PPP1R16B: variants seen among roughly 807,000 people sequenced by gnomAD.
PPP1R16B encodes protein phosphatase 1 regulatory inhibitor subunit 16B.
PPP1R16B carries 14 observed loss-of-function variants against 61.7 expected under a neutral mutation model. The ratio of observed to expected loss-of-function variants is 0.23; its 90% CI spans 0.15 to 0.35. The LOEUF is 0.35. Ranked by LOEUF, PPP1R16B falls within the 10% of genes least tolerant of loss-of-function variation. The pLI is 1.00. For synonymous variants in PPP1R16B, 266 were observed against 305.3 expected, an observed-to-expected ratio of 0.87 and a Z score of 1.34; for missense variants, 547 against 752.5, an observed-to-expected ratio of 0.73 and a Z score of 3.19.
intron 2 of PPP1R16B, 103 bp from the exon 3 acceptor site, chr20:38,889,492 C>A: frequency 9.8e-7 from 1 of 1,022,944 alleles, no homozygotes; most frequent in Non-Finnish European, 1.5e-6. Flanking sequence ...GTTGTTACTA[C>A]ATTCTTCATA....
rs1486539731 is a variant in PPP1R16B at position 38,882,164 on chromosome 20, G to C, written c.251-7431G>C. 5.9e-5 allele frequency among the ~76,000 whole-genome samples: 9 copies of C among 152,190 alleles called. No individual in the cohort carries two copies. The East Asian group carries it at 1.7e-3, about 29-fold the overall frequency. ...GGCACACAGTTAGTGCTGGGCTGTA[G>C]AAAGAGCAAGGGCACAGGGCAGAGA... is the stretch of plus-strand genomic sequence containing the variant. On this transcript the variant is annotated intron_variant, in intron 2 of 10. Coordinates refer to ENST00000299824, the MANE Select transcript of PPP1R16B (RefSeq NM_015568.4).
chr20:38,872,263 C>T (rs1160857718), intron 2 of PPP1R16B, among the ~76,000 whole-genome samples: 1 of 152,068 alleles, frequency 6.6e-6, no homozygotes, highest in African/African-American at 2.4e-5. Context: ...AGAGACTCTG[C>T]TTGGAGGAAG....
chr20:38,888,564 G>A (rs67524591), intron 2 of PPP1R16B, among the ~76,000 whole-genome samples: 23,257 of 152,012 alleles, frequency 0.15, 2,403 homozygotes, highest in East Asian at 0.58. Context: ...GGGTGGACTC[G>A]TCCCACTGGC....
At chr20:38,877,532 G>A (rs1485976602) in intron 2 of PPP1R16B, among the ~76,000 whole-genome samples, 1 of 151,980 alleles carries the variant, frequency 6.6e-6, no homozygotes, top group African/African-American at 2.4e-5. Context: ...GGCTGATCTC[G>A]AAATCCTGAC....
At position 38,806,209 on chromosome 20, in the gene PPP1R16B, C is replaced by CA. The variant is rs1254674690; in HGVS notation, c.-102+417_-102+418insA. On this transcript the variant is annotated intron_variant, in intron 1 of 10. Coordinates refer to ENST00000299824, the MANE Select transcript of PPP1R16B (RefSeq NM_015568.4). This position sits in a 1 kb window ranked among gnomAD's most constrained non-coding sequence, Gnocchi z 4.5. The stretch of plus-strand genomic sequence containing the variant: ...CACAGCGGACACCAAACAACCCCCC[C>CA]CCGCGCACTCTCCCGGCCGGGCATG... Among the ~76,000 whole-genome samples the CA allele has an allele frequency of 2.0e-5, 3 of 152,100 alleles. No homozygotes were observed. Among genetic ancestry groups the CA allele is most frequent in the African/African-American group, 7.2e-5 (3 of 41,434 alleles).
intron 2 of PPP1R16B, among the ~76,000 whole-genome samples, chr20:38,855,968 A>AAG (rs1488288518): frequency 3.3e-5 from 4 of 120,604 alleles, no homozygotes; most frequent in East Asian, 2.6e-4. Flanking sequence ...AGAGAGAGAG[A>AAG]GAGAGAGAGA....
intron 1 of PPP1R16B, among the ~76,000 whole-genome samples, chr20:38,813,145 G>A (rs1027647407): frequency 6.6e-6 from 1 of 152,224 alleles, no homozygotes; most frequent in Non-Finnish European, 1.5e-5. Flanking sequence ...GGCTTGCGGA[G>A]TCACAGATGT....
At chr20:38,864,204 A>C (rs1219838509) in intron 2 of PPP1R16B, among the ~76,000 whole-genome samples, 1 of 152,192 alleles carries the variant, frequency 6.6e-6, no homozygotes, top group Non-Finnish European at 1.5e-5. Context: ...GGGAATGAGG[A>C]GTGACTGCTA....
At position 38,902,805 on chromosome 20, in the gene PPP1R16B, G is replaced by A. The variant is rs760202187; in HGVS notation, c.696+13G>A. 6.2e-6 allele frequency: 10 copies of A among 1,614,102 alleles called. No individual in the cohort carries two copies. The highest frequency in any genetic ancestry group is 3.3e-5 in the Admixed American group (2 of 60,026). On this transcript the variant is annotated intron_variant, in intron 6 of 10. Coordinates refer to ENST00000299824, the MANE Select transcript of PPP1R16B (RefSeq NM_015568.4). ...GGGTGCCACACTGGTGAGGAGATGG[G>A]CCAGTACCAAAACCAAGACCAGCTA...
intron 2 of PPP1R16B, among the ~76,000 whole-genome samples, chr20:38,883,211 G>A (rs2085215428): frequency 6.6e-6 from 1 of 152,232 alleles, no homozygotes; most frequent in Non-Finnish European, 1.5e-5. Flanking sequence ...CACCTCCACT[G>A]GGCAGACACC....
At chr20:38,865,992 C>T (rs1219996357) in intron 2 of PPP1R16B, among the ~76,000 whole-genome samples, 2 of 151,998 alleles carry the variant, frequency 1.3e-5, no homozygotes, top group African/African-American at 2.4e-5. Context: ...GACATGGTGG[C>T]GTGTGCCAGT....
chr20:38,881,709 G>A (rs1327795132), intron 2 of PPP1R16B, among the ~76,000 whole-genome samples: 6 of 152,194 alleles, frequency 3.9e-5, no homozygotes, highest in South Asian at 2.1e-4. Flanking sequence ...ATGCCTGTTG[G>A]CAACTGTCTT....
chr20:38,855,935 T>TAGAG (rs1359114180), intron 2 of PPP1R16B, among the ~76,000 whole-genome samples: 17 of 43,962 alleles, frequency 3.9e-4, no homozygotes, highest in Non-Finnish European at 5.8e-4. Context: ...TATATATATA[T>TAGAG]ATATATATAG....
chr20:38,852,207 G>A (rs2084973653), intron 2 of PPP1R16B, among the ~76,000 whole-genome samples: 1 of 152,182 alleles, frequency 6.6e-6, no homozygotes. Flanking sequence ...ATGGAAAAAG[G>A]GGACTTCAAC....
chr20:38,888,065 C>T (rs2085259619), intron 2 of PPP1R16B, among the ~76,000 whole-genome samples: 1 of 152,236 alleles, frequency 6.6e-6, no homozygotes, highest in Non-Finnish European at 1.5e-5. Context: ...CTTCTCTTCA[C>T]CCTGCCCAGC....
intron 2 of PPP1R16B, among the ~76,000 whole-genome samples, chr20:38,861,716 G>A (rs568116589): frequency 4.4e-5 from 6 of 137,320 alleles, no homozygotes; most frequent in Middle Eastern, 3.9e-3. Context: ...TTGCTCTGTC[G>A]CCCAGACTAG....
intron 2 of PPP1R16B, among the ~76,000 whole-genome samples, chr20:38,867,052 G>A (rs1040639367): frequency 6.6e-6 from 1 of 152,022 alleles, no homozygotes; most frequent in African/African-American, 2.4e-5. Flanking sequence ...AATGTTTTTC[G>A]GGTTCATCCA....
intron 2 of PPP1R16B, among the ~76,000 whole-genome samples, chr20:38,858,389 C>A (rs2085023100): frequency 6.6e-6 from 1 of 152,070 alleles, no homozygotes; most frequent in African/African-American, 2.4e-5. Context: ...GCTCGAAGCC[C>A]ATTCCCGTGG....
intron 4 of PPP1R16B, among the ~76,000 whole-genome samples, chr20:38,897,608 G>A (rs2085359713): frequency 6.6e-6 from 1 of 152,140 alleles, no homozygotes; most frequent in African/African-American, 2.4e-5. Flanking sequence ...AATTCCTTTG[G>A]TTATACACCC....
Sources: gnomAD v4.1 joint callset for allele counts (sites outside exome capture counted in the v4.1 genomes callset) on GRCh38, gnomAD v4.1.1 for gene constraint, Gnocchi (gnomAD v3.1) non-coding constraint, MANE v1.5 for transcripts, NCBI Gene and HGNC (gene_info 2026-07-23, HGNC 2026-07-21) for gene names.